The following FAM135B variants were observed in gnomAD, a reference collection of about 807,000 sequenced individuals.
FAM135B encodes the protein family with sequence similarity 135 member B.
In FAM135B, 43 loss-of-function variants were observed where a neutral mutation model predicts 127.7. The observed-to-expected ratio is 0.34, with a 90% confidence interval of 0.26 to 0.43. The LOEUF (loss-of-function observed/expected upper bound fraction) is 0.43. FAM135B is among the 20% of genes least tolerant of loss of function. The pLI is 1.00. For missense variants in FAM135B, 1,558 were observed against 1,725.6 expected (o/e 0.90, Z 1.72); for synonymous variants, 670 against 665.1 (o/e 1.01, Z -0.11).
chr8:138,141,745 T>C lies in FAM135B; in HGVS notation c.3639-396A>G, dbSNP rs1409039185. Among the ~76,000 whole-genome samples, 1 of 152,172 alleles carries C rather than the reference T, an allele frequency of 6.6e-6. No homozygotes were observed. Among genetic ancestry groups the C allele is most frequent in the Non-Finnish European group, 1.5e-5 (1 of 68,032 alleles). On this transcript the variant is annotated intron_variant, in intron 16 of 19. Transcript: ENST00000395297. This position sits in a 1 kb window ranked among gnomAD's most constrained non-coding sequence, Gnocchi z 4.7. Reference sequence around the variant, plus strand: ...TATCCTGCTTGGGAGGCCATTCATATACGGATGGCCTCACAATGCCATTCA... The same window carrying C: ...TATCCTGCTTGGGAGGCCATTCATACACGGATGGCCTCACAATGCCATTCA...
At chr8:138,463,921 G>A (rs890707475) in intron 1 of FAM135B, among the ~76,000 whole-genome samples, 3 of 152,126 alleles carry the variant, frequency 2.0e-5, no homozygotes, top group African/African-American at 7.2e-5. Flanking sequence ...CATGTATAGG[G>A]CACTTAAAAT....
chr8:138,263,789 A>C (rs555169081), intron 4 of FAM135B, among the ~76,000 whole-genome samples: 1 of 152,298 alleles, frequency 6.6e-6, no homozygotes, highest in East Asian at 1.9e-4. Flanking sequence ...ATTACAAGTT[A>C]AATTCATTCA....
intron 11 of FAM135B, among the ~76,000 whole-genome samples, chr8:138,169,362 C>T (rs1203794627): frequency 6.6e-6 from 1 of 151,924 alleles, no homozygotes; most frequent in Non-Finnish European, 1.5e-5. Context: ...ATGTTCTTCT[C>T]TGAATATTTA....
At chr8:138,358,296 A>G (rs775953954) in intron 2 of FAM135B, 4 of 152,204 alleles carry the variant, frequency 2.6e-5, no homozygotes, top group Non-Finnish European at 5.9e-5. Flanking sequence ...AGTGGCAAGA[A>G]GACCCCTTCC....
rs117889060 is a variant in FAM135B, at chr8:138,218,718, C to T, written c.670-21049G>A. 6.7e-3 allele frequency among the ~76,000 whole-genome samples: 1,020 copies of T among 151,762 alleles called. 6 individuals are homozygous for T. The highest frequency in any genetic ancestry group is 8.7e-3 in the Non-Finnish European group (589 of 67,982). ...GGTTTGCTACAGGCCACTCTAGAGA[C>T]CCTGTTCAATGCCCTGCTCCTCCCA... is the stretch of plus-strand genomic sequence containing the variant. On this transcript the variant is annotated intron_variant, in intron 7 of 19. Transcript: ENST00000395297.
At chr8:138,405,296 T>G (rs1326143484) in intron 1 of FAM135B, among the ~76,000 whole-genome samples, 2 of 151,644 alleles carry the variant, frequency 1.3e-5, no homozygotes, top group South Asian at 2.1e-4. Context: ...TGTATACATG[T>G]GCCATGCTGG....
At chr8:138,148,394 T>C (rs1817831574) in intron 14 of FAM135B, 126 bp downstream of exon 14, 3 of 767,258 alleles carry the variant, frequency 3.9e-6, no homozygotes, top group Middle Eastern at 2.7e-4. Context: ...TTCATCATAA[T>C]TACTGTCATT....
chr8:138,374,236 T>C (rs752007268), intron 1 of FAM135B, among the ~76,000 whole-genome samples: 8 of 152,204 alleles, frequency 5.3e-5, no homozygotes, highest in Non-Finnish European at 1.2e-4. Context: ...GAAAAGAACC[T>C]ACGTGACTCT....
At chr8:138,150,619 G>C (rs1818047879) in intron 13 of FAM135B, among the ~76,000 whole-genome samples, 2 of 152,266 alleles carry the variant, frequency 1.3e-5, no homozygotes, top group East Asian at 3.9e-4. Context: ...AGTGAGCAGA[G>C]ATTGCGTCAC....
intron 2 of FAM135B, among the ~76,000 whole-genome samples, chr8:138,340,891 G>T (rs1423941472): frequency 6.6e-6 from 1 of 152,176 alleles, no homozygotes; most frequent in African/African-American, 2.4e-5. Context: ...GCCCCCGCAT[G>T]CTCTCCAAAT....
At chr8:138,195,492 T>A (rs946284104) in intron 8 of FAM135B, among the ~76,000 whole-genome samples, 185 bp from the exon 9 acceptor site, 1 of 139,918 alleles carries the variant, frequency 7.1e-6, no homozygotes, top group Non-Finnish European at 1.5e-5. Flanking sequence ...ATGAACCTGA[T>A]TGGAGCCATG....
At chr8:138,304,166 G>A (rs1826075249) in intron 3 of FAM135B, among the ~76,000 whole-genome samples, 1 of 152,168 alleles carries the variant, frequency 6.6e-6, no homozygotes, top group African/African-American at 2.4e-5. Flanking sequence ...CAGGCAACTT[G>A]GGAGTGAGCC....
In FAM135B at chr8:138,306,049, T is replaced by C. The variant is rs541642983; in HGVS notation, c.157+4792A>G. 1.2e-4 allele frequency among the ~76,000 whole-genome samples: 19 copies of C among 152,276 alleles called. No individual in the cohort carries two copies. In the Middle Eastern group the frequency reaches 0.01, roughly 82 times the overall value. The stretch of plus-strand genomic sequence containing the variant: ...ACAATGAAGTTTCTGAAAATCCCCA[T>C]CACACTTTTACTAAGAAAAATTTAT... On this transcript the variant is annotated intron_variant, in intron 3 of 19. Transcript: ENST00000395297.
chr8:138,387,968 C>T (rs1236941966), intron 1 of FAM135B, among the ~76,000 whole-genome samples: 1 of 152,114 alleles, frequency 6.6e-6, no homozygotes, highest in Non-Finnish European at 1.5e-5. Context: ...TTAAAGTTCT[C>T]CTAAGAGGAT....
rs751728274 is a variant in FAM135B at position 138,242,973 on chromosome 8, C to T, written c.638G>A (p.Gly213Glu). Residue 213 changes from glycine (G) to glutamate (E), a missense_variant, in exon 7 of 20, where the codon GGA (glycine) becomes GAA (glutamate). Physicochemically the swap from Gly to Glu is moderately conservative, Grantham distance 98 (BLOSUM62 -2). Around this residue, in one of 5 missense-constraint regions of FAM135B, gnomAD observed 127 missense variants for 109.7 expected, o/e 1.16. Transcript: ENST00000395297. This position sits in a 1 kb window ranked among gnomAD's most constrained non-coding sequence, Gnocchi z 9.6. ...GGAAGTCGGCTTGCAGTACCCAGCT[C>T]CAAAGACCAAGTTTTCCAGAGAAAT... ...SIISLENLVF[G>E]AGYCKPTSSE... 8 of 1,613,782 alleles carry T rather than the reference C, an allele frequency of 5.0e-6. No individual in the cohort carries two copies. The highest frequency in any genetic ancestry group is 6.8e-6 in the Non-Finnish European group (8 of 1,179,890).
intron 2 of FAM135B, among the ~76,000 whole-genome samples, chr8:138,312,236 T>C (rs1252732328): frequency 1.3e-5 from 2 of 152,160 alleles, no homozygotes; most frequent in Admixed American, 6.5e-5. Context: ...TAAGCCACCA[T>C]GCCCGGCCAA....
In FAM135B at chr8:138,242,165, TTGTGTGTG is replaced by T. The variant is rs55837421; in HGVS notation, c.669+769_669+776del. Among the ~76,000 whole-genome samples, 5,460 of 130,012 alleles carry T rather than the reference TTGTGTGTG, an allele frequency of 0.042. 143 individuals are homozygous for T. Among genetic ancestry groups the T allele is most frequent in the African/African-American group, 0.076 (2,591 of 34,078 alleles). The allele number at this position is 130,012 out of a possible 152,430, so 85.3% of individuals were successfully genotyped here. On this transcript the variant is annotated intron_variant, in intron 7 of 19. Coordinates refer to ENST00000395297, the MANE Select transcript of FAM135B (RefSeq NM_015912.4). This position sits in a 1 kb window ranked among gnomAD's most constrained non-coding sequence, Gnocchi z 9.6. Reference sequence around the variant, plus strand: ...AGTCAATTACTTATGATAAATCTCTTTGTGTGTGTGTGTGTGTGTGTGTGTGTGTGTGT... The same window carrying T: ...AGTCAATTACTTATGATAAATCTCTTTGTGTGTGTGTGTGTGTGTGTGTGT...
At chr8:138,491,835 C>T (rs1815213162) in intron 1 of FAM135B, among the ~76,000 whole-genome samples, 1 of 152,124 alleles carries the variant, frequency 6.6e-6, no homozygotes, top group African/African-American at 2.4e-5. Context: ...AGTAGGGACA[C>T]CCAGTGATTA....
chr8:138,270,018 A>G (rs560212806), intron 3 of FAM135B, among the ~76,000 whole-genome samples: 62 of 152,280 alleles, frequency 4.1e-4, no homozygotes, highest in African/African-American at 1.4e-3. Context: ...AAAGGTATTC[A>G]TTGTTTTTCC....
Sources: allele counts gnomAD v4.1 joint callset (sites outside exome capture counted in the v4.1 genomes callset), GRCh38; gene constraint gnomAD v4.1.1; regional missense constraint gnomAD v4.1.1; non-coding constraint Gnocchi (gnomAD v3.1); transcripts MANE v1.5; gene names NCBI Gene and HGNC (gene_info 2026-07-23, HGNC 2026-07-21).